The following KALRN variants were observed in gnomAD, a reference collection of about 807,000 sequenced individuals.
KALRN encodes kalirin RhoGEF kinase.
Under a neutral mutation model 353.7 loss-of-function variants are expected in KALRN, and 70 were observed. The observed-to-expected ratio is 0.20, with a 90% confidence interval of 0.16 to 0.24. The LOEUF is 0.24. KALRN is among the 10% of genes least tolerant of loss of function. KALRN has a pLI of 1.00. For synonymous variants in KALRN, 1,391 were observed against 1,434.8 expected (o/e 0.97, Z 0.69); for missense variants, 2,791 against 3,756.7 (o/e 0.74, Z 6.72).
At chr3:124,166,466 A>AT (rs1017098060) in intron 1 of KALRN, among the ~76,000 whole-genome samples, 3 of 152,130 alleles carry the variant, frequency 2.0e-5, no homozygotes, top group Non-Finnish European at 2.9e-5. Context: ...CATAAAAATT[A>AT]TTTTTTTCAC....
At chr3:124,167,070 A>G (rs2070980551) in intron 1 of KALRN, among the ~76,000 whole-genome samples, 1 of 152,156 alleles carries the variant, frequency 6.6e-6, no homozygotes, top group Admixed American at 6.5e-5. Context: ...ATGATATTAT[A>G]ATAATAAATT....
chr3:124,129,167 G>A (rs2065009174), intron 1 of KALRN, among the ~76,000 whole-genome samples: 1 of 152,116 alleles, frequency 6.6e-6, no homozygotes, highest in African/African-American at 2.4e-5. Context: ...TTTGAGGAAG[G>A]TCCGTCATAC....
intron 1 of KALRN, chr3:124,080,067 C>A (rs1429885681): frequency 2.1e-6 from 1 of 471,030 alleles, no homozygotes. Context: ...GAATTGGATC[C>A]AACCCATTGT....
intron 1 of KALRN, among the ~76,000 whole-genome samples, chr3:124,088,611 A>G (rs929468340): frequency 1.5e-4 from 23 of 152,128 alleles, no homozygotes; most frequent in African/African-American, 3.9e-4. Flanking sequence ...TTTATATGCT[A>G]TTTTGTTTTT....
At chr3:124,094,741 G>A (rs1361955466) in intron 1 of KALRN, 2 of 1,008,392 alleles carry the variant, frequency 2.0e-6, no homozygotes, top group Admixed American at 1.7e-5. Flanking sequence ...GGCTGTGTGC[G>A]AGCCCAGCGT....
rs749314623 is a variant in KALRN, at chr3:124,329,879, G to A, written c.1303G>A (p.Ala435Thr). ...CTTCCAGTTCCTGTCGGGAGTGGAT[G>A]CCTGGTGCAAGATGTGCAGTGAAGG... ...KAEQFLSGVD[A>T]WCKMCSEGGL... is the part of the protein sequence containing the mutation. Residue 435 changes from alanine to threonine, a missense_variant, in exon 8 of 60, where the codon GCC becomes ACC. Ala to Thr is a moderately conservative substitution (Grantham distance 58). Coordinates refer to ENST00000682506, the MANE Select transcript of KALRN (RefSeq NM_001388419.1). 7 of 1,613,664 alleles carry A rather than the reference G, an allele frequency of 4.3e-6. No homozygotes were observed. Among genetic ancestry groups the A allele is most frequent in the Non-Finnish European group, 5.9e-6 (7 of 1,179,840 alleles).
rs1474367305 is a variant in KALRN at position 124,238,026 on chromosome 3, G to A, written c.263+3083G>A. ...GTGTTGATAATTTAGAAATGAATAGGAAGAAATAGTCCCACTCTCCTCTCT... is the reference window on the plus strand; with the variant it reads ...GTGTTGATAATTTAGAAATGAATAGAAAGAAATAGTCCCACTCTCCTCTCT... On this transcript the variant is annotated intron_variant, in intron 3 of 59. Coordinates refer to ENST00000682506, the MANE Select transcript of KALRN (RefSeq NM_001388419.1). Among the ~76,000 whole-genome samples the A allele has an allele frequency of 3.3e-5, 5 of 152,122 alleles. No homozygotes were observed. In the East Asian group the frequency reaches 9.6e-4, roughly 29 times the overall value.
chr3:124,055,013 G>T (rs2041396052), intron 1 of KALRN, among the ~76,000 whole-genome samples: 1 of 152,074 alleles, frequency 6.6e-6, no homozygotes, highest in Non-Finnish European at 1.5e-5. Context: ...TGAACTTTAA[G>T]AAGAAAGTGG....
intron 34 of KALRN, among the ~76,000 whole-genome samples, chr3:124,620,487 C>T (rs1315789120): frequency 6.6e-6 from 1 of 152,204 alleles, no homozygotes; most frequent in Non-Finnish European, 1.5e-5. Context: ...TGTTCCCTCT[C>T]CAGAAGCTGC....
intron 33 of KALRN, among the ~76,000 whole-genome samples, chr3:124,548,787 G>T (rs1314151950): frequency 6.6e-6 from 1 of 152,210 alleles, no homozygotes; most frequent in Non-Finnish European, 1.5e-5. Flanking sequence ...CCAAGTAGCT[G>T]GGATTACAGG....
chr3:124,245,276 A>G (rs1387050058), intron 3 of KALRN, among the ~76,000 whole-genome samples: 1 of 152,174 alleles, frequency 6.6e-6, no homozygotes, highest in East Asian at 1.9e-4. Flanking sequence ...CACTGAACAT[A>G]ATGTCCTTCA....
At chr3:124,500,465 C>T (rs1454132628) in intron 33 of KALRN, among the ~76,000 whole-genome samples, 1 of 152,218 alleles carries the variant, frequency 6.6e-6, no homozygotes, top group Non-Finnish European at 1.5e-5. Flanking sequence ...TCTGACTCTT[C>T]TTTAACATCT....
intron 33 of KALRN, among the ~76,000 whole-genome samples, chr3:124,555,369 G>A (rs1264976818): frequency 6.6e-6 from 1 of 151,620 alleles, no homozygotes; most frequent in African/African-American, 2.4e-5. Context: ...AGCGGAGATC[G>A]CACCACTGCA....
chr3:124,613,820 A>G (rs2078258709), intron 34 of KALRN, among the ~76,000 whole-genome samples: 1 of 152,212 alleles, frequency 6.6e-6, no homozygotes, highest in African/African-American at 2.4e-5. Context: ...AGGGTCCTAG[A>G]ATTCTGTTTC....
At chr3:124,214,186 G>A (rs1373300999) in intron 1 of KALRN, among the ~76,000 whole-genome samples, 8 of 152,010 alleles carry the variant, frequency 5.3e-5, no homozygotes, top group Non-Finnish European at 7.4e-5. Flanking sequence ...CACAGACACT[G>A]TATGCACAAT....
intron 1 of KALRN, among the ~76,000 whole-genome samples, chr3:124,118,721 G>T (rs138192746): frequency 1.0e-3 from 159 of 152,272 alleles, no homozygotes; most frequent in African/African-American, 3.6e-3. Flanking sequence ...TTTTTATAAC[G>T]ATGTCTTACT....
chr3:124,203,489 A>G (rs1051329454), intron 1 of KALRN, among the ~76,000 whole-genome samples: 2 of 152,132 alleles, frequency 1.3e-5, no homozygotes, highest in African/African-American at 4.8e-5. Context: ...AGCATCTTCT[A>G]TTGTCCTCAG....
chr3:124,464,280 AGCAC>A (rs56955397), intron 25 of KALRN, among the ~76,000 whole-genome samples: 1,749 of 152,356 alleles, frequency 0.011, 32 homozygotes, highest in African/African-American at 0.038. Context: ...TAGAGATCAC[AGCAC>A]GCACTTTCTG....
At chr3:124,392,648 A>G (rs1211555695) in intron 11 of KALRN, among the ~76,000 whole-genome samples, 1 of 137,912 alleles carries the variant, frequency 7.3e-6, no homozygotes, top group South Asian at 2.3e-4. Context: ...TCTATCACCC[A>G]GGCTGGAGTG....
Sources: gnomAD v4.1 joint callset for allele counts (sites outside exome capture counted in the v4.1 genomes callset) on GRCh38, gnomAD v4.1.1 for gene constraint, MANE v1.5 for transcripts, NCBI Gene and HGNC (gene_info 2026-07-23, HGNC 2026-07-21) for gene names.